Variants in TTC28 observed in about 807,000 individuals in gnomAD.
The protein encoded by TTC28 is tetratricopeptide repeat protein 28.
A neutral mutation model predicts 198.0 loss-of-function variants in TTC28; 61 were observed. The observed-to-expected ratio is 0.31, with a 90% confidence interval of 0.25 to 0.38. The LOEUF (loss-of-function observed/expected upper bound fraction) is 0.38. Ranked by LOEUF, TTC28 falls within the 10% of genes least tolerant of loss-of-function variation. The probability of loss-of-function intolerance (pLI) is 1.00; values close to 1 mark genes in which losing one functional copy is unlikely to be tolerated. For missense variants in TTC28, 2,678 were observed against 3,164.0 expected, an observed-to-expected ratio of 0.85 and a Z score of 3.69; for synonymous variants, 1,171 against 1,297.8, an observed-to-expected ratio of 0.90 and a Z score of 2.10.
chr22:28,350,562 C>T (rs1273728728), intron 2 of TTC28, among the ~76,000 whole-genome samples: 2 of 152,088 alleles, frequency 1.3e-5, no homozygotes, highest in Non-Finnish European at 2.9e-5. Context: ...GTAAGGAACT[C>T]CCATGGATGG....
In TTC28 at chr22:28,141,741, C is replaced by T. The variant is rs566676750; in HGVS notation, c.1441+21351G>A. Among the ~76,000 whole-genome samples, 10 of 152,220 alleles carry T rather than the reference C, an allele frequency of 6.6e-5. 1 individual carries two copies. The South Asian group carries it at 1.7e-3, about 25-fold the overall frequency. ...ATAAGAATACACAGGACTCTTTTCACGACAAGTCCAAGAATTTGGTTAGAT... is the reference window on the plus strand; with the variant it reads ...ATAAGAATACACAGGACTCTTTTCATGACAAGTCCAAGAATTTGGTTAGAT... On this transcript the variant is annotated intron_variant, in intron 6 of 22. Coordinates refer to ENST00000397906, the MANE Select transcript of TTC28 (RefSeq NM_001145418.2).
At position 28,165,021 on chromosome 22, in the gene TTC28, C is replaced by A. The variant is rs189032186; in HGVS notation, c.934-1422G>T. On this transcript the variant is annotated intron_variant, in intron 5 of 22. Coordinates refer to ENST00000397906, the MANE Select transcript of TTC28 (RefSeq NM_001145418.2). The stretch of plus-strand genomic sequence containing the variant: ...GCTGAAAACCATGGCATGAGAACTA[C>A]GTGATGAATGCACAAGCCTCAGTAG... Among the ~76,000 whole-genome samples the A allele has an allele frequency of 9.3e-4, 142 of 152,164 alleles. 1 individual carries two copies. The highest frequency in any genetic ancestry group is 3.2e-3 in the African/African-American group (134 of 41,502).
At chr22:28,388,406 A>T (rs2046653625) in intron 2 of TTC28, among the ~76,000 whole-genome samples, 1 of 152,124 alleles carries the variant, frequency 6.6e-6, no homozygotes. Context: ...CTTGATGGGG[A>T]TGACATTGAA....
intron 5 of TTC28, among the ~76,000 whole-genome samples, chr22:28,174,764 G>C (rs183925904): frequency 1.9e-3 from 287 of 152,168 alleles, no homozygotes; most frequent in African/African-American, 6.1e-3. Flanking sequence ...GGACATTTTG[G>C]AATCCAACAC....
Position 28,107,478 on chromosome 22 carries a change from G to A in TTC28, c.2367C>T (p.Asp789=). ...CATGAGCTCTGCACTCCCCTGGCAA[G>A]TCACTCAGCTCCTGATATACCTCCA... ...QELEVYQELS[D]LPGECRAHGH... The change falls in exon 7 of 23, where the codon GAC becomes GAT. Residue 789 remains aspartate, a synonymous_variant. Coordinates refer to ENST00000397906, the MANE Select transcript of TTC28 (RefSeq NM_001145418.2). 2.6e-6 allele frequency: 4 copies of A among 1,551,730 alleles called. No homozygotes were observed. Among genetic ancestry groups the A allele is most frequent in the Admixed American group, 2.0e-5 (1 of 51,002 alleles).
intron 6 of TTC28, among the ~76,000 whole-genome samples, chr22:28,160,352 A>C (rs1921026817): frequency 6.6e-6 from 1 of 152,238 alleles, no homozygotes. Flanking sequence ...ATGTACCCAC[A>C]GAAATTTTTT....
intron 2 of TTC28, among the ~76,000 whole-genome samples, chr22:28,317,957 A>G (rs1337112056): frequency 2.0e-5 from 3 of 152,078 alleles, no homozygotes; most frequent in Non-Finnish European, 4.4e-5. Context: ...AGGCTGGAGC[A>G]CAGTGGTGTG....
intron 5 of TTC28, among the ~76,000 whole-genome samples, chr22:28,206,496 A>C (rs929101835): frequency 3.3e-5 from 5 of 152,190 alleles, no homozygotes; most frequent in African/African-American, 1.2e-4. Flanking sequence ...CCAGTTCAAG[A>C]GAACCTAGTT....
intron 2 of TTC28, among the ~76,000 whole-genome samples, chr22:28,378,075 C>T (rs2046438882): frequency 6.6e-6 from 1 of 152,148 alleles, no homozygotes; most frequent in African/African-American, 2.4e-5. Context: ...GGTGAGGTGG[C>T]TCACGCCTAT....
At chr22:28,192,732 A>G (rs1924944733) in intron 5 of TTC28, among the ~76,000 whole-genome samples, 1 of 152,196 alleles carries the variant, frequency 6.6e-6, no homozygotes, top group Non-Finnish European at 1.5e-5. Flanking sequence ...CAAGAAGAGA[A>G]GTTCAGAGAA....
intron 2 of TTC28, among the ~76,000 whole-genome samples, chr22:28,452,118 G>A (rs769757371): frequency 1.3e-5 from 2 of 152,070 alleles, no homozygotes; most frequent in African/African-American, 2.4e-5. Flanking sequence ...GGCCAGGCGC[G>A]ATGGCTCACG....
intron 6 of TTC28, among the ~76,000 whole-genome samples, chr22:28,144,792 AGACAGACAAGCAAGCT>A (rs1424932422): frequency 6.6e-6 from 1 of 152,216 alleles, no homozygotes; most frequent in Non-Finnish European, 1.5e-5. Context: ...CTTAATGGGG[AGACAGACAAGCAAGCT>A]GACTGCTGCA....
chr22:28,066,751 C>T (rs1176932683), intron 12 of TTC28, among the ~76,000 whole-genome samples: 1 of 152,156 alleles, frequency 6.6e-6, no homozygotes, highest in South Asian at 2.1e-4. Context: ...GCCTATTCCA[C>T]ACTTCTGGCC....
rs1942283870 is a variant in TTC28 at position 28,105,898 on chromosome 22, C to T, written c.2784-96G>A. 4.3e-6 allele frequency: 6 copies of T among 1,386,566 alleles called. No individual in the cohort carries two copies. In the South Asian group the frequency reaches 9.1e-5, roughly 21 times the overall value. The allele number at this position is 1,386,566 out of a possible 1,614,324, so 85.9% of individuals were successfully genotyped here. On this transcript the variant is annotated intron_variant, in intron 7 of 22. Transcript: ENST00000397906. ...AAATGAAAAGCATTTGTCACTGTCA[C>T]TTACTATAGAAGCTCTTAACTCCTC...
chr22:28,532,345 A>T lies in TTC28; in HGVS notation c.381+97207T>A, dbSNP rs533316619. ...ATTCCTGGACACATACACCCTCCCAAGACTAAACCAGGAAGAAGGTGAATC... is the reference window on the plus strand; with the variant it reads ...ATTCCTGGACACATACACCCTCCCATGACTAAACCAGGAAGAAGGTGAATC... On this transcript the variant is annotated intron_variant, in intron 2 of 22. Coordinates refer to ENST00000397906, the MANE Select transcript of TTC28 (RefSeq NM_001145418.2). Among the ~76,000 whole-genome samples, 6 of 152,352 alleles carry T rather than the reference A, an allele frequency of 3.9e-5. No individual in the cohort carries two copies. In the South Asian group the frequency reaches 1.2e-3, roughly 32 times the overall value.
intron 2 of TTC28, among the ~76,000 whole-genome samples, chr22:28,401,004 CTTCT>C (rs2046897602): frequency 6.6e-6 from 1 of 152,012 alleles, no homozygotes; most frequent in Admixed American, 6.6e-5. Flanking sequence ...GATGTTTTAG[CTTCT>C]TTAATTCTTA....
intron 2 of TTC28, among the ~76,000 whole-genome samples, chr22:28,468,690 A>ATT (rs35984422): frequency 0.26 from 31,152 of 122,104 alleles, 4,713 homozygotes; most frequent in South Asian, 0.39. Flanking sequence ...CGCCCGGCTA[A>ATT]TTTTTTTTTT....
chr22:28,567,475 C>CATATATATATATATATAT (rs1217643047), intron 2 of TTC28, among the ~76,000 whole-genome samples: 83 of 13,748 alleles, frequency 6.0e-3, no homozygotes, highest in Non-Finnish European at 8.2e-3. Flanking sequence ...CATATACATA[C>CATATATATATATATATAT]ATACATATAT....
At chr22:28,561,531 G>A (rs1224775216) in intron 2 of TTC28, among the ~76,000 whole-genome samples, 1 of 152,202 alleles carries the variant, frequency 6.6e-6, no homozygotes. Context: ...GATCCCCAGT[G>A]TCTAGAACAG....
Sources: gnomAD v4.1 joint callset for allele counts (sites outside exome capture counted in the v4.1 genomes callset) on GRCh38, gnomAD v4.1.1 for gene constraint, MANE v1.5 for transcripts, NCBI Gene and HGNC (gene_info 2026-07-23, HGNC 2026-07-21) for gene names.